TSG101: variants seen among roughly 807,000 people sequenced by gnomAD.
The protein encoded by TSG101 is tumor susceptibility gene 101 protein.
In TSG101, 19 loss-of-function variants were observed where a neutral mutation model predicts 48.5. The ratio of observed to expected loss-of-function variants is 0.39; its 90% confidence interval spans 0.27 to 0.58. The LOEUF is 0.58. TSG101 is among the 20% of genes least tolerant of loss of function. The probability of loss-of-function intolerance (pLI) is 0.55; values close to 1 mark genes in which losing one functional copy is unlikely to be tolerated. For synonymous variants in TSG101, 174 were observed against 169.4 expected (o/e 1.03, Z -0.21); for missense variants, 365 against 484.4 (o/e 0.75, Z 2.31).
chr11:18,514,563 T>C, intron 4 of TSG101, 115 bp downstream of exon 4: 1 of 746,418 alleles, frequency 1.3e-6, no homozygotes, highest in East Asian at 3.2e-5. Flanking sequence ...GATTAGTCCA[T>C]TATCTGAACT....
intron 2 of TSG101, among the ~76,000 whole-genome samples, chr11:18,516,555 A>G (rs527242670): frequency 1.3e-5 from 2 of 152,138 alleles, no homozygotes; most frequent in African/African-American, 4.8e-5. Flanking sequence ...CATGTTGGCT[A>G]GGCTGGTCTC....
At chr11:18,492,754 G>A (rs191271623) in intron 7 of TSG101, among the ~76,000 whole-genome samples, 4 of 140,370 alleles carry the variant, frequency 2.8e-5, no homozygotes, top group East Asian at 2.2e-4. Context: ...TTAAAAAATC[G>A]AACTACTTTG....
intron 7 of TSG101, among the ~76,000 whole-genome samples, chr11:18,499,665 C>A (rs919922144): frequency 6.6e-6 from 1 of 151,216 alleles, no homozygotes; most frequent in Non-Finnish European, 1.5e-5. Flanking sequence ...CCCGCCTTGG[C>A]CTCCCAAAGT....
intron 7 of TSG101, among the ~76,000 whole-genome samples, chr11:18,501,890 A>AG (rs1849896162): frequency 6.6e-6 from 1 of 152,194 alleles, no homozygotes; most frequent in Middle Eastern, 3.2e-3. Context: ...TAGAGGGGAT[A>AG]AGGTCTAGTG....
chr11:18,483,134 T>G (rs1456501670), intron 8 of TSG101, among the ~76,000 whole-genome samples: 2 of 152,090 alleles, frequency 1.3e-5, no homozygotes, highest in Non-Finnish European at 2.9e-5. Flanking sequence ...TCTCACAAGA[T>G]CTGATGGGTT....
chr11:18,497,715 G>A (rs1426122129), intron 7 of TSG101, among the ~76,000 whole-genome samples: 1 of 152,154 alleles, frequency 6.6e-6, no homozygotes, highest in Non-Finnish European at 1.5e-5. Context: ...ACCAAAATAA[G>A]AGAGCTTCAC....
At chr11:18,521,358 CCTT>C (rs1449213713) in intron 1 of TSG101, among the ~76,000 whole-genome samples, 28 of 132,212 alleles carry the variant, frequency 2.1e-4, no homozygotes, top group African/African-American at 7.8e-4. Context: ...CAAACTGATT[CCTT>C]TTTTTTTTTT....
chr11:18,480,723 C>CT (rs1313641541), intron 9 of TSG101, 88 bp from the exon 10 acceptor site: 2 of 1,216,362 alleles, frequency 1.6e-6, no homozygotes, highest in East Asian at 2.6e-5. Context: ...TAGATGGGAT[C>CT]TAAGAACCCT....
chr11:18,512,203 G>C (rs1418315896), intron 4 of TSG101, among the ~76,000 whole-genome samples: 5 of 152,006 alleles, frequency 3.3e-5, no homozygotes, highest in Non-Finnish European at 4.4e-5. Flanking sequence ...TCAAGAGTTC[G>C]AGACCAGACT....
At position 18,480,488 on chromosome 11, in the gene TSG101, TAAAAGG is replaced by T; in HGVS notation, c.*52_*57del. On this transcript the variant is annotated 3_prime_UTR_variant, in exon 10 of 10. Transcript: ENST00000251968. ...ATAACTTATTCTGGGCACCTACTGA[TAAAAGG>T]AAGAGAAGAATACTTTAAGAAGAGC... is the stretch of plus-strand genomic sequence containing the variant. 7.2e-7 allele frequency: 1 copy of T among 1,396,892 alleles called. No homozygotes were observed. Among genetic ancestry groups the T allele is most frequent in the Non-Finnish European group, 1.0e-6 (1 of 999,790 alleles). The allele number at this position is 1,396,892 out of a possible 1,614,324, so 86.5% of individuals were successfully genotyped here. A position where few individuals can be genotyped will look rare whatever the true frequency, so the allele number is the denominator to read the frequency against.
intron 7 of TSG101, 86 bp from the exon 8 acceptor site, chr11:18,484,158 T>C: frequency 7.5e-7 from 1 of 1,336,032 alleles, no homozygotes; most frequent in Non-Finnish European, 1.1e-6. Flanking sequence ...AAGGGGGCAA[T>C]ATGAACCGAC....
intron 1 of TSG101, 135 bp downstream of exon 1, chr11:18,526,640 G>C (rs529102708): frequency 2.9e-6 from 3 of 1,050,580 alleles, no homozygotes; most frequent in African/African-American, 3.2e-5. Flanking sequence ...GCGGGGTTCT[G>C]AGGAGGTCGC....
chr11:18,506,694 A>G (rs193136665), intron 6 of TSG101, among the ~76,000 whole-genome samples, 163 bp downstream of exon 6: 1 of 152,048 alleles, frequency 6.6e-6, no homozygotes, highest in Non-Finnish European at 1.5e-5. Flanking sequence ...CATCTCAAAA[A>G]AAATAAATAA....
At position 18,480,367 on chromosome 11, in the gene TSG101, G is replaced by GATAGAA. The variant is rs1849509389; in HGVS notation, c.*173_*178dup. On this transcript the variant is annotated 3_prime_UTR_variant, in exon 10 of 10. Transcript: ENST00000251968. Reference sequence around the variant, plus strand: ...CATTCAGCACAAAAAGTTTACAGAGGATAGAAAGTGCATTAATAAAAGCCA... The same window carrying GATAGAA: ...CATTCAGCACAAAAAGTTTACAGAGGATAGAAATAGAAAGTGCATTAATAAAAGCCA... The GATAGAA allele has an allele frequency of 2.1e-6, 1 of 476,612 alleles. No homozygotes were observed. Among genetic ancestry groups the GATAGAA allele is most frequent in the Non-Finnish European group, 3.7e-6 (1 of 270,444 alleles). The allele number at this position is 476,612 out of a possible 1,614,324, so 29.5% of individuals were successfully genotyped here.
At chr11:18,498,026 C>T (rs1849810573) in intron 7 of TSG101, among the ~76,000 whole-genome samples, 1 of 151,514 alleles carries the variant, frequency 6.6e-6, no homozygotes, top group African/African-American at 2.4e-5. Context: ...ATCTCTTCAA[C>T]AGCAAACTTC....
chr11:18,490,418 G>A (rs1414396910), intron 7 of TSG101: 4 of 581,816 alleles, frequency 6.9e-6, no homozygotes, highest in South Asian at 2.9e-5. Flanking sequence ...TTTCAGTAGA[G>A]TTTAGAATCT....
intron 7 of TSG101, among the ~76,000 whole-genome samples, chr11:18,494,301 A>G (rs1048141737): frequency 6.6e-6 from 1 of 152,204 alleles, no homozygotes; most frequent in Admixed American, 6.5e-5. Context: ...TTAAAATTCT[A>G]TTCTTAAAAA....
intron 3 of TSG101, 126 bp downstream of exon 3, chr11:18,515,973 G>C (rs1000840538): frequency 2.7e-6 from 2 of 733,452 alleles, no homozygotes; most frequent in African/African-American, 3.5e-5. Flanking sequence ...AATTTGAATA[G>C]AAGTTAAAAT....
chr11:18,490,881 G>A, intron 7 of TSG101: 10 of 513,784 alleles, frequency 1.9e-5, no homozygotes, highest in South Asian at 1.7e-4. Flanking sequence ...CTGCCTTCGT[G>A]ACTACAGCCA....
Sources: allele counts gnomAD v4.1 joint callset (sites outside exome capture counted in the v4.1 genomes callset), GRCh38; gene constraint gnomAD v4.1.1; transcripts MANE v1.5; gene names NCBI Gene and HGNC (gene_info 2026-07-23, HGNC 2026-07-21).